The following OSBP2 variants were observed in gnomAD, a reference collection of about 807,000 sequenced individuals.
OSBP2 encodes oxysterol-binding protein 2.
In OSBP2, 66 loss-of-function variants were observed where a neutral mutation model predicts 96.0. The observed-to-expected ratio is 0.69, with a 90% CI of 0.56 to 0.84. OSBP2 has a LOEUF of 0.84. Ranked by LOEUF, OSBP2 falls within the 40% of genes least tolerant of loss-of-function variation. The pLI is 0.00. For synonymous variants in OSBP2, 525 were observed against 520.9 expected, an observed-to-expected ratio of 1.01 and a Z score of -0.11; for missense variants, 1,038 against 1,222.7, an observed-to-expected ratio of 0.85 and a Z score of 2.25.
chr22:30,902,125 CGAAAAA>C (rs558306723), intron 12 of OSBP2: 95,466 of 232,776 alleles, frequency 0.41, 12,605 homozygotes, highest in East Asian at 0.54. Context: ...AAAAAAAAAA[CGAAAAA>C]AAAAAAACCA....
chr22:30,780,702 T>G (rs1453495869), intron 2 of OSBP2, among the ~76,000 whole-genome samples: 1 of 152,132 alleles, frequency 6.6e-6, no homozygotes, highest in African/African-American at 2.4e-5. Flanking sequence ...TTTGCCATGC[T>G]GGCCAGGCTG....
intron 1 of OSBP2, among the ~76,000 whole-genome samples, chr22:30,697,174 G>A (rs910545305): frequency 6.6e-6 from 1 of 152,214 alleles, no homozygotes; most frequent in African/African-American, 2.4e-5. Flanking sequence ...TAAAGGTAAT[G>A]TTTATAAGTA....
intron 3 of OSBP2, among the ~76,000 whole-genome samples, chr22:30,872,678 G>A (rs947778018): frequency 2.6e-5 from 4 of 152,220 alleles, no homozygotes; most frequent in Non-Finnish European, 5.9e-5. Flanking sequence ...CCCTCCCCAA[G>A]CTCCTGCTGT....
chr22:30,906,048 A>T lies in OSBP2; in HGVS notation c.2587A>T (p.Ser863Cys). The T allele has an allele frequency of 6.4e-7, 1 of 1,554,442 alleles. No individual in the cohort carries two copies. The highest frequency in any genetic ancestry group is 8.7e-7 in the Non-Finnish European group (1 of 1,151,598). Residue 863 changes from serine (S) to cysteine (C), a missense_variant, in exon 13 of 14, where the codon AGC (serine) becomes TGC (cysteine). By Grantham distance (112) the Ser-to-Cys change is moderately radical. Around this residue, in one of 3 missense-constraint regions of OSBP2, gnomAD observed 737 missense variants for 913.3 expected, o/e 0.81. Transcript: ENST00000332585. ...RRRLEACGPGSSCSSEEEKEA... is the reference protein window; with the variant it reads ...RRRLEACGPGCSCSSEEEKEA... ...GCGGCTGGAGGCCTGCGGGCCGGGC[A>T]GCAGCTGCAGCTCGGAGGAAGGTGA...
rs1477424708 is a variant in OSBP2 at position 30,870,237 on chromosome 22, C to G, written c.854-192C>G. The stretch of plus-strand genomic sequence containing the variant: ...ACTGACTCAGGTGGGCCCTTGCCCA[C>G]CCCACCCTGGGAAGGCTGGGCCAGG... On this transcript the variant is annotated intron_variant, in intron 2 of 13. Coordinates refer to ENST00000332585, the MANE Select transcript of OSBP2 (RefSeq NM_030758.4). This position sits in a 1 kb window ranked among gnomAD's most constrained non-coding sequence, Gnocchi z 4.1. Among the ~76,000 whole-genome samples the G allele has an allele frequency of 6.6e-6, 1 of 152,168 alleles. No individual in the cohort carries two copies. The highest frequency in any genetic ancestry group is 2.4e-5 in the African/African-American group (1 of 41,460).
intron 2 of OSBP2, among the ~76,000 whole-genome samples, chr22:30,864,329 G>T (rs1045070269): frequency 6.6e-6 from 1 of 152,170 alleles, no homozygotes; most frequent in Admixed American, 6.5e-5. Flanking sequence ...GTGCTGGGGA[G>T]CCCAAAGGAG....
At chr22:30,830,734 T>G (rs929207505) in intron 2 of OSBP2, among the ~76,000 whole-genome samples, 18 of 152,228 alleles carry the variant, frequency 1.2e-4, no homozygotes, top group Admixed American at 1.0e-3. Flanking sequence ...TCATTATTTT[T>G]AAGGGTTATT....
At chr22:30,773,891 T>C (rs2090391307) in intron 2 of OSBP2, among the ~76,000 whole-genome samples, 4 of 152,166 alleles carry the variant, frequency 2.6e-5, no homozygotes, top group Admixed American at 2.6e-4. Context: ...AGTGGAGTCC[T>C]TAGCAAGGGG....
chr22:30,815,918 G>A (rs1239245122), intron 2 of OSBP2, among the ~76,000 whole-genome samples: 1 of 152,060 alleles, frequency 6.6e-6, no homozygotes. Flanking sequence ...TCTTTGTACA[G>A]AAAGCTTTTT....
intron 1 of OSBP2, among the ~76,000 whole-genome samples, chr22:30,702,429 C>G (rs895658352): frequency 2.0e-5 from 3 of 152,148 alleles, no homozygotes; most frequent in Non-Finnish European, 4.4e-5. Context: ...GCCTGACCAA[C>G]ATGGCGAAAT....
chr22:30,783,883 G>A (rs2090552955), intron 2 of OSBP2, among the ~76,000 whole-genome samples: 1 of 152,200 alleles, frequency 6.6e-6, no homozygotes, highest in Non-Finnish European at 1.5e-5. Flanking sequence ...TAAACCAACT[G>A]GTGCTGAAGA....
At chr22:30,853,579 T>C (rs1251881728) in intron 2 of OSBP2, among the ~76,000 whole-genome samples, 2 of 152,170 alleles carry the variant, frequency 1.3e-5, no homozygotes, top group African/African-American at 4.8e-5. Flanking sequence ...ATCTTCCTTT[T>C]TTTATCCAGC....
intron 1 of OSBP2, among the ~76,000 whole-genome samples, chr22:30,715,368 C>T (rs1159877874): frequency 3.6e-5 from 5 of 140,724 alleles, no homozygotes; most frequent in South Asian, 2.2e-4. Context: ...CTCTCTCTCT[C>T]TTTTTTTTTT....
At chr22:30,840,209 T>TAA (rs145829486) in intron 2 of OSBP2, among the ~76,000 whole-genome samples, 2 of 126,366 alleles carry the variant, frequency 1.6e-5, no homozygotes, top group Admixed American at 8.0e-5. Flanking sequence ...TCAAGTGTAA[T>TAA]AAAAAAAAAA....
At chr22:30,758,238 C>G (rs1182760572) in intron 2 of OSBP2, among the ~76,000 whole-genome samples, 1 of 152,018 alleles carries the variant, frequency 6.6e-6, no homozygotes, top group Non-Finnish European at 1.5e-5. Flanking sequence ...CCCATCTCTA[C>G]TAAAAATACA....
intron 3 of OSBP2, among the ~76,000 whole-genome samples, chr22:30,886,591 A>G (rs914532360): frequency 6.6e-6 from 1 of 152,230 alleles, no homozygotes; most frequent in African/African-American, 2.4e-5. Context: ...TTGCAGGGCC[A>G]CTTCAAAATA....
chr22:30,817,302 C>A (rs528758298), intron 2 of OSBP2, among the ~76,000 whole-genome samples: 1 of 152,224 alleles, frequency 6.6e-6, no homozygotes, highest in Non-Finnish European at 1.5e-5. Context: ...ACCTGATTCT[C>A]CAGACAAACA....
At chr22:30,821,073 G>A (rs1189726010) in intron 2 of OSBP2, among the ~76,000 whole-genome samples, 1 of 152,226 alleles carries the variant, frequency 6.6e-6, no homozygotes, top group African/African-American at 2.4e-5. Flanking sequence ...CAGTTAGGTA[G>A]GGCTCTGTTG....
chr22:30,694,662 C>T, upstream of OSBP2: 1 of 301,308 alleles, frequency 3.3e-6, no homozygotes, highest in East Asian at 7.9e-5. Flanking sequence ...CTCTTCCGCC[C>T]ACAGGTGTTG....
Sources: gnomAD v4.1 joint callset for allele counts (sites outside exome capture counted in the v4.1 genomes callset) on GRCh38, gnomAD v4.1.1 for gene constraint, gnomAD v4.1.1 regional missense constraint, Gnocchi (gnomAD v3.1) non-coding constraint, MANE v1.5 for transcripts, NCBI Gene and HGNC (gene_info 2026-07-23, HGNC 2026-07-21) for gene names.